TNIP1: variants seen among roughly 807,000 people sequenced by gnomAD.
The protein encoded by TNIP1 is TNFAIP3-interacting protein 1.
A neutral mutation model predicts 86.6 loss-of-function variants in TNIP1; 22 were observed. The ratio of observed to expected loss-of-function variants is 0.25; its 90% CI spans 0.18 to 0.36. The LOEUF is 0.36. Among genes scored for constraint, TNIP1 ranks in the 10% least tolerant of loss-of-function variants. TNIP1 has a pLI of 1.00. For missense variants in TNIP1, 709 were observed against 820.6 expected (o/e 0.86, Z 1.66); for synonymous variants, 294 against 313.0 (o/e 0.94, Z 0.64).
chr5:151,070,061 C>A (rs1420645387), intron 1 of TNIP1, among the ~76,000 whole-genome samples: 1 of 152,204 alleles, frequency 6.6e-6, no homozygotes, highest in East Asian at 1.9e-4. Flanking sequence ...CTCTGTCCAC[C>A]CTGTGGGCTG....
upstream of TNIP1, among the ~76,000 whole-genome samples, chr5:151,081,990 G>A (rs1764060482): frequency 2.0e-5 from 3 of 152,184 alleles, no homozygotes; most frequent in Non-Finnish European, 4.4e-5. Context: ...ACTAAATATA[G>A]CTTTATGAAA....
chr5:151,061,653 T>G (rs944222477), intron 4 of TNIP1, among the ~76,000 whole-genome samples: 1 of 152,046 alleles, frequency 6.6e-6, no homozygotes, highest in Non-Finnish European at 1.5e-5. Context: ...GACTACTTTT[T>G]TTCTTAGAGA....
At chr5:151,070,998 G>A (rs1324263876) in intron 1 of TNIP1, among the ~76,000 whole-genome samples, 1 of 150,906 alleles carries the variant, frequency 6.6e-6, no homozygotes. Flanking sequence ...GGTGGAGGAT[G>A]TTGATAATGG....
chr5:151,032,837 G>C (rs1321600427), intron 16 of TNIP1: 1 of 189,626 alleles, frequency 5.3e-6, no homozygotes, highest in African/African-American at 2.4e-5. Flanking sequence ...GATAAGAAGG[G>C]AAAAGAGGCC....
chr5:151,049,970 A>C, intron 7 of TNIP1, 23 bp from the exon 8 acceptor site: 2 of 1,613,738 alleles, frequency 1.2e-6, no homozygotes, highest in Non-Finnish European at 1.7e-6. Context: ...TAAACAGAGA[A>C]ATCACAATGC....
intron 1 of TNIP1, among the ~76,000 whole-genome samples, chr5:151,069,062 G>A (rs1009666762): frequency 1.3e-5 from 2 of 152,188 alleles, no homozygotes; most frequent in African/African-American, 2.4e-5. Context: ...CCAGACAGAC[G>A]GCAGGTCAGG....
At chr5:151,059,832 T>TGAGA (rs1761246859) in intron 5 of TNIP1, among the ~76,000 whole-genome samples, 1 of 74,930 alleles carries the variant, frequency 1.3e-5, no homozygotes, top group Non-Finnish European at 2.5e-5. Flanking sequence ...AGAGAGAGTG[T>TGAGA]GTGTGTGTGT....
chr5:151,066,668 G>A (rs1204980818), intron 1 of TNIP1, among the ~76,000 whole-genome samples: 1 of 152,226 alleles, frequency 6.6e-6, no homozygotes, highest in Non-Finnish European at 1.5e-5. Context: ...GAGCTGCACA[G>A]TAACTCTAAC....
At chr5:151,051,359 T>C (rs1396051956) in intron 7 of TNIP1, among the ~76,000 whole-genome samples, 1 of 152,168 alleles carries the variant, frequency 6.6e-6, no homozygotes, top group Non-Finnish European at 1.5e-5. Context: ...CCTATGTGCC[T>C]GAGCCCAGCT....
chr5:151,033,732 T>C lies in TNIP1; in HGVS notation c.1655A>G (p.Tyr552Cys), dbSNP rs779667955. ...EHLCGAYPYA[Y>C]PPMPAMVPHH... is the part of the protein sequence containing the mutation. ...TGGCACCATGGCTGGCATGGGCGGG[T>C]AGGCGTAGGGGTAGGCCCCGCAGAG... Residue 552 changes from tyrosine to cysteine, a missense_variant, in exon 16 of 18, where the codon TAC (tyrosine) becomes TGC (cysteine). Transcript: ENST00000521591. The C allele has an allele frequency of 5.2e-6, 7 of 1,355,520 alleles. No individual in the cohort carries two copies. The highest frequency in any genetic ancestry group is 5.7e-6 in the Non-Finnish European group (6 of 1,044,942). 84.0% of individuals were successfully genotyped at this position (1,355,520 alleles called of 1,614,324 possible). A position where few individuals can be genotyped will look rare whatever the true frequency, so the allele number is the denominator to read the frequency against.
chr5:151,040,862 G>A (rs1029843100), intron 11 of TNIP1, among the ~76,000 whole-genome samples: 2 of 152,164 alleles, frequency 1.3e-5, no homozygotes, highest in South Asian at 2.1e-4. Context: ...AAAACATGGT[G>A]ACATAAATAA....
chr5:151,059,828 A>AGAGAGAGTGTGT (rs1554076446), intron 5 of TNIP1, among the ~76,000 whole-genome samples: 54 of 56,372 alleles, frequency 9.6e-4, no homozygotes, highest in Admixed American at 1.5e-3. Flanking sequence ...AGAGAGAGAG[A>AGAGAGAGTGTGT]GTGTGTGTGT....
At chr5:151,052,341 C>A in intron 6 of TNIP1, 82 bp from the exon 7 acceptor site, 1 of 1,143,346 alleles carries the variant, frequency 8.7e-7, no homozygotes, top group Non-Finnish European at 1.3e-6. Flanking sequence ...TGGTGGGGGG[C>A]CTGTAGCCAC....
At chr5:151,073,419 A>C (rs1335994871) in intron 1 of TNIP1, among the ~76,000 whole-genome samples, 1 of 152,206 alleles carries the variant, frequency 6.6e-6, no homozygotes, top group Non-Finnish European at 1.5e-5. Context: ...TCCATCAAGA[A>C]GGGACTGGTT....
chr5:151,041,763 T>C (rs1758445387), intron 11 of TNIP1, among the ~76,000 whole-genome samples: 1 of 152,200 alleles, frequency 6.6e-6, no homozygotes, highest in Admixed American at 6.5e-5. Context: ...GCTGTTCCTG[T>C]GGACTCTATG....
At chr5:151,070,275 AATAAG>A (rs1457978907) in intron 1 of TNIP1, among the ~76,000 whole-genome samples, 1 of 152,262 alleles carries the variant, frequency 6.6e-6, no homozygotes, top group Non-Finnish European at 1.5e-5. Context: ...TTTGTTTTAT[AATAAG>A]ATTTCCAAAA....
intron 1 of TNIP1, among the ~76,000 whole-genome samples, chr5:151,071,932 C>T (rs1386977813): frequency 1.3e-5 from 2 of 152,182 alleles, no homozygotes; most frequent in Admixed American, 6.5e-5. Context: ...GGTGACAGTT[C>T]GTTAGGCGCT....
chr5:151,067,684 G>T (rs112144552), intron 1 of TNIP1, among the ~76,000 whole-genome samples: 4 of 151,826 alleles, frequency 2.6e-5, no homozygotes, highest in African/African-American at 9.7e-5. Flanking sequence ...AGTCCATCCT[G>T]TGTGCCAGGG....
chr5:151,056,065 A>C (rs537110850), intron 6 of TNIP1, among the ~76,000 whole-genome samples: 1 of 152,238 alleles, frequency 6.6e-6, no homozygotes, highest in Non-Finnish European at 1.5e-5. Context: ...TAATGCAGCA[A>C]TCTAACCATG....
Sources: allele counts gnomAD v4.1 joint callset (sites outside exome capture counted in the v4.1 genomes callset), GRCh38; gene constraint gnomAD v4.1.1; transcripts MANE v1.5; gene names NCBI Gene and HGNC (gene_info 2026-07-23, HGNC 2026-07-21).